Variants in RAPGEF4 observed in about 807,000 individuals in gnomAD.
RAPGEF4 encodes Rap guanine nucleotide exchange factor 4, also known as RAP guanine-nucleotide-exchange factor (GEF) 4.
RAPGEF4 carries 66 observed loss-of-function variants against 147.9 expected under a neutral mutation model. The observed-to-expected ratio is 0.45, with a 90% confidence interval of 0.37 to 0.55. The LOEUF is 0.55. Ranked by LOEUF, RAPGEF4 falls within the 20% of genes least tolerant of loss-of-function variation. The pLI, the probability that RAPGEF4 is intolerant of heterozygous loss-of-function variation, is 0.00. For missense variants in RAPGEF4, 1,071 were observed against 1,257.3 expected (o/e 0.85, Z 2.24); for synonymous variants, 419 against 442.7 (o/e 0.95, Z 0.67).
At chr2:172,762,820 G>A (rs1341819806) in intron 1 of RAPGEF4, among the ~76,000 whole-genome samples, 1 of 152,136 alleles carries the variant, frequency 6.6e-6, no homozygotes, top group East Asian at 1.9e-4. Flanking sequence ...TATACACATA[G>A]GGAAGTGGCG....
At chr2:172,863,244 A>G (rs1428106074) in intron 4 of RAPGEF4, among the ~76,000 whole-genome samples, 1 of 152,192 alleles carries the variant, frequency 6.6e-6, no homozygotes, top group South Asian at 2.1e-4. Context: ...CTTATAAACT[A>G]AGAAAAGTAA....
chr2:172,928,535 G>A (rs983541418), intron 6 of RAPGEF4, among the ~76,000 whole-genome samples: 1 of 152,160 alleles, frequency 6.6e-6, no homozygotes. Context: ...GAAAGGAGAT[G>A]TATTGGGGTG....
chr2:172,893,534 C>G (rs947318721), intron 4 of RAPGEF4, among the ~76,000 whole-genome samples: 4 of 152,104 alleles, frequency 2.6e-5, no homozygotes, highest in Non-Finnish European at 5.9e-5. Context: ...ACTTTTGATT[C>G]AGGATTCTAG....
chr2:172,928,104 G>C (rs138794062), intron 6 of RAPGEF4: 1 of 426,730 alleles, frequency 2.3e-6, no homozygotes, highest in Non-Finnish European at 4.7e-6. Context: ...ATTAGAAAGC[G>C]TAACCCCCGA....
At chr2:172,836,634 G>A (rs1045752576) in intron 4 of RAPGEF4, among the ~76,000 whole-genome samples, 9 of 152,210 alleles carry the variant, frequency 5.9e-5, no homozygotes, top group Non-Finnish European at 1.0e-4. Context: ...GAGACTTGAG[G>A]ATGTGACACA....
At chr2:172,891,420 C>T (rs1697897823) in intron 4 of RAPGEF4, among the ~76,000 whole-genome samples, 1 of 152,196 alleles carries the variant, frequency 6.6e-6, no homozygotes, top group Non-Finnish European at 1.5e-5. Context: ...TCTCCTTCTC[C>T]TTTTAAAAAG....
At chr2:172,916,527 A>G (rs933785) in intron 4 of RAPGEF4, among the ~76,000 whole-genome samples, 147,933 of 152,282 alleles carry the variant, frequency 0.97, 71,984 homozygotes, top group East Asian at 1. Context: ...ATCAGAATTA[A>G]GAAATGATCT....
chr2:173,041,930 A>G (rs1445761626), intron 29 of RAPGEF4, among the ~76,000 whole-genome samples: 1 of 152,166 alleles, frequency 6.6e-6, no homozygotes, highest in East Asian at 1.9e-4. Context: ...CCTTGTGGGA[A>G]GGGAAGAAGA....
intron 17 of RAPGEF4, among the ~76,000 whole-genome samples, chr2:173,005,524 T>TTTTTTG (rs1694364286): frequency 7.6e-6 from 1 of 132,348 alleles, no homozygotes. Context: ...TTTTGTGTTT[T>TTTTTTG]TTTTTTTTTT....
intron 4 of RAPGEF4, among the ~76,000 whole-genome samples, chr2:172,819,268 C>CCT (rs1170772080): frequency 6.6e-6 from 1 of 151,958 alleles, no homozygotes; most frequent in Non-Finnish European, 1.5e-5. Context: ...GTAAATAATG[C>CCT]CTCTCTCCAT....
At chr2:172,814,503 A>G (rs1688318217) in intron 4 of RAPGEF4, 78 bp downstream of exon 4, 1 of 1,504,416 alleles carries the variant, frequency 6.6e-7, no homozygotes, top group Non-Finnish European at 9.2e-7. Flanking sequence ...ATGGCATTAC[A>G]GTCAAGCCTT....
intron 4 of RAPGEF4, among the ~76,000 whole-genome samples, chr2:172,873,277 G>A (rs570822687): frequency 1.3e-5 from 2 of 152,284 alleles, no homozygotes; most frequent in Admixed American, 1.3e-4. Context: ...ATGTTCTCAT[G>A]TTTCTCAGGG....
At chr2:172,989,443 A>G (rs938663580) in intron 14 of RAPGEF4, among the ~76,000 whole-genome samples, 2 of 152,060 alleles carry the variant, frequency 1.3e-5, no homozygotes, top group African/African-American at 4.8e-5. Flanking sequence ...ATTGGCAGGC[A>G]GGTGAATAAC....
At chr2:172,744,562 T>G in intron 1 of RAPGEF4, 1 of 334,512 alleles carries the variant, frequency 3.0e-6, no homozygotes, top group Non-Finnish European at 6.0e-6. Flanking sequence ...GGGCAAGTTA[T>G]TTGGTTCTAG....
intron 4 of RAPGEF4, among the ~76,000 whole-genome samples, chr2:172,910,169 C>G (rs775225098): frequency 6.6e-6 from 1 of 152,210 alleles, no homozygotes; most frequent in South Asian, 2.1e-4. Flanking sequence ...ACCATTGGCT[C>G]TCATCTATTT....
intron 4 of RAPGEF4, among the ~76,000 whole-genome samples, chr2:172,892,848 A>G (rs1191427423): frequency 6.6e-6 from 1 of 152,216 alleles, no homozygotes; most frequent in Non-Finnish European, 1.5e-5. Context: ...CCTAAAGTGA[A>G]TAGGATACAG....
intron 12 of RAPGEF4, 94 bp downstream of exon 12, chr2:172,985,587 G>T (rs1692165413): frequency 6.4e-7 from 1 of 1,553,294 alleles, no homozygotes; most frequent in South Asian, 1.2e-5. Flanking sequence ...TCACTTCTTG[G>T]CCCCGGGTCT....
chr2:173,030,040 T>A, intron 25 of RAPGEF4, 124 bp from the exon 26 acceptor site: 1 of 636,028 alleles, frequency 1.6e-6, no homozygotes, highest in Non-Finnish European at 2.8e-6. Flanking sequence ...ATTAAATCTA[T>A]CATTGCCTGT....
intron 14 of RAPGEF4, 47 bp from the exon 15 acceptor site, chr2:172,990,763 T>C (rs1559168045): frequency 2.1e-6 from 3 of 1,418,336 alleles, no homozygotes; most frequent in African/African-American, 2.8e-5. Flanking sequence ...TTTTTCATTG[T>C]CTGAGTAAGC....
Sources: allele counts gnomAD v4.1 joint callset (sites outside exome capture counted in the v4.1 genomes callset), GRCh38; gene constraint gnomAD v4.1.1; transcripts MANE v1.5; gene names NCBI Gene and HGNC (gene_info 2026-07-23, HGNC 2026-07-21).